Variants in DCAF12 observed in about 807,000 individuals in gnomAD.
The protein encoded by DCAF12 is DDB1- and CUL4-associated factor 12.
A neutral mutation model predicts 52.8 loss-of-function variants in DCAF12; 28 were observed. The observed-to-expected ratio is 0.53, with a 90% CI of 0.39 to 0.73. DCAF12 has a LOEUF of 0.73. Ranked by LOEUF, DCAF12 falls within the 30% of genes least tolerant of loss-of-function variation. The pLI, the probability that DCAF12 is intolerant of heterozygous loss-of-function variation, is 0.00. For missense variants in DCAF12, 425 were observed against 552.2 expected, an observed-to-expected ratio of 0.77 and a Z score of 2.31; for synonymous variants, 196 against 215.5, an observed-to-expected ratio of 0.91 and a Z score of 0.79.
At position 34,122,913 on chromosome 9, in the gene DCAF12, G is replaced by C. The variant is rs561859499; in HGVS notation, c.333+2110C>G. Reference sequence around the variant, plus strand: ...CGCCTAGCAAACTTTTCTTCACTTAGCTTTTCTGTCTGGCTCCGCAGCCAA... The same window carrying C: ...CGCCTAGCAAACTTTTCTTCACTTACCTTTTCTGTCTGGCTCCGCAGCCAA... On this transcript the variant is annotated intron_variant, in intron 2 of 8. Transcript: ENST00000361264. Among the ~76,000 whole-genome samples, 34 of 152,278 alleles carry C rather than the reference G, an allele frequency of 2.2e-4. 1 individual carries two copies. The highest frequency in any genetic ancestry group is 6.2e-4 in the South Asian group (3 of 4,824).
At position 34,096,361 on chromosome 9, in the gene DCAF12, G is replaced by A. The variant is rs539676442; in HGVS notation, c.861+355C>T. ...TGACTGCACTCCAACTTGGGTGACAGAGTGAGACCCTGTATTTATTGTCTT... is the reference window on the plus strand; with the variant it reads ...TGACTGCACTCCAACTTGGGTGACAAAGTGAGACCCTGTATTTATTGTCTT... On this transcript the variant is annotated intron_variant, in intron 6 of 8. Transcript: ENST00000361264. 16 of 216,228 alleles carry A rather than the reference G, an allele frequency of 7.4e-5. 1 individual carries two copies. In the South Asian group the frequency reaches 1.2e-3, roughly 16 times the overall value. The allele number at this position is 216,228 out of a possible 1,614,324, so 13.4% of individuals were successfully genotyped here.
In DCAF12 at chr9:34,088,528, C is replaced by T; in HGVS notation, c.1204-20G>A. The T allele has an allele frequency of 3.7e-6, 6 of 1,613,858 alleles. No homozygotes were observed. The highest frequency in any genetic ancestry group is 5.1e-6 in the Non-Finnish European group (6 of 1,179,862). On this transcript the variant is annotated intron_variant, in intron 8 of 8. Transcript: ENST00000361264. Reference sequence around the variant, plus strand: ...ATGATTCTACGGGAAGAGAAAGAGACTACAATTAGCACCTCTAGCCATGGG... The same window carrying T: ...ATGATTCTACGGGAAGAGAAAGAGATTACAATTAGCACCTCTAGCCATGGG...
At chr9:34,097,908 A>G (rs1303013023) in intron 5 of DCAF12, among the ~76,000 whole-genome samples, 2 of 150,538 alleles carry the variant, frequency 1.3e-5, no homozygotes, top group African/African-American at 2.4e-5. Context: ...ACTCCTGCCT[A>G]GGTGACAGGA....
chr9:34,108,811 A>G (rs1828948689), intron 2 of DCAF12, among the ~76,000 whole-genome samples: 1 of 135,656 alleles, frequency 7.4e-6, no homozygotes, highest in South Asian at 2.2e-4. Context: ...ATAAATAAAT[A>G]AATATATATA....
chr9:34,093,563 A>G lies in DCAF12; in HGVS notation c.862-115T>C, dbSNP rs1038855138. 3.5e-6 allele frequency: 4 copies of G among 1,138,254 alleles called. No homozygotes were observed. In the African/African-American group the frequency reaches 6.2e-5, roughly 18 times the overall value. The allele number at this position is 1,138,254 out of a possible 1,614,324, so 70.5% of individuals were successfully genotyped here. A position where few individuals can be genotyped will look rare whatever the true frequency, so the allele number is the denominator to read the frequency against. ...CTCATATAAAAGCCACATAAAATCA[A>G]GCCCTGATTACAGAAATAACACTCT... On this transcript the variant is annotated intron_variant, in intron 6 of 8. Transcript: ENST00000361264.
chr9:34,092,908 C>T (rs1006099289), intron 7 of DCAF12, among the ~76,000 whole-genome samples: 27 of 151,998 alleles, frequency 1.8e-4, no homozygotes, highest in African/African-American at 5.8e-4. Context: ...TGCAATGGTG[C>T]GATCTCAGCT....
chr9:34,104,952 C>T (rs917903398), intron 4 of DCAF12, among the ~76,000 whole-genome samples: 21 of 151,164 alleles, frequency 1.4e-4, no homozygotes, highest in African/African-American at 4.4e-4. Context: ...ACAAAGAATT[C>T]TATATATGCA....
intron 6 of DCAF12, among the ~76,000 whole-genome samples, chr9:34,094,678 C>T (rs2131427112): frequency 6.6e-6 from 1 of 151,834 alleles, no homozygotes; most frequent in Middle Eastern, 3.4e-3. Flanking sequence ...CTACAAGCGC[C>T]CACCACCACG....
At chr9:34,120,387 G>A (rs1408084854) in intron 2 of DCAF12, among the ~76,000 whole-genome samples, 2 of 151,546 alleles carry the variant, frequency 1.3e-5, no homozygotes, top group Non-Finnish European at 2.9e-5. Flanking sequence ...AAACAACAAA[G>A]TGGCTGGGCA....
chr9:34,125,381 AC>A, intron 1 of DCAF12, 104 bp from the exon 2 acceptor site: 1 of 1,267,208 alleles, frequency 7.9e-7, no homozygotes, highest in South Asian at 1.4e-5. Flanking sequence ...TGCAGAATTT[AC>A]AAACAACACA....
At position 34,098,532 on chromosome 9, in the gene DCAF12, G is replaced by A. The variant is rs748571739; in HGVS notation, c.602-15C>T. The A allele has an allele frequency of 1.1e-5, 17 of 1,607,582 alleles. No homozygotes were observed. The highest frequency in any genetic ancestry group is 1.4e-5 in the Non-Finnish European group (17 of 1,176,454). ...ATCACGTGAGCCTGCAGGGCCAGGA[G>A]AACACAGATGTCAGATGTACCCACC... is the stretch of plus-strand genomic sequence containing the variant. On this transcript the variant is annotated splice_polypyrimidine_tract_variant and intron_variant, in intron 4 of 8. Coordinates refer to ENST00000361264, the MANE Select transcript of DCAF12 (RefSeq NM_015397.4).
At chr9:34,103,532 A>G (rs1056320670) in intron 4 of DCAF12, among the ~76,000 whole-genome samples, 1 of 152,172 alleles carries the variant, frequency 6.6e-6, no homozygotes, top group African/African-American at 2.4e-5. Context: ...ATAGGGTTAT[A>G]TTATATCCAT....
chr9:34,115,479 G>A (rs1281262871), intron 2 of DCAF12, among the ~76,000 whole-genome samples: 8 of 127,526 alleles, frequency 6.3e-5, no homozygotes, highest in South Asian at 5.3e-4. Context: ...TGCACCTGTA[G>A]TCCCAGCTAC....
intron 2 of DCAF12, among the ~76,000 whole-genome samples, chr9:34,119,526 G>A (rs1350972080): frequency 2.0e-5 from 3 of 152,060 alleles, no homozygotes. Context: ...ATACCATCCA[G>A]ATTTATCACT....
chr9:34,096,489 A>C (rs892251032), intron 6 of DCAF12, among the ~76,000 whole-genome samples: 1 of 152,212 alleles, frequency 6.6e-6, no homozygotes, highest in Non-Finnish European at 1.5e-5. Context: ...TAATCCCCGC[A>C]GCTACTCAGG....
chr9:34,088,288 A>T lies in DCAF12; in HGVS notation c.*62T>A, dbSNP rs975635713. 1 of 1,487,266 alleles carries T rather than the reference A, an allele frequency of 6.7e-7. No individual in the cohort carries two copies. The highest frequency in any genetic ancestry group is 1.4e-5 in the African/African-American group (1 of 70,186). 92.1% of individuals were successfully genotyped at this position (1,487,266 alleles called of 1,614,324 possible). A position where few individuals can be genotyped will look rare whatever the true frequency, so the allele number is the denominator to read the frequency against. ...TCACACAATTAGGAAAAAAAAAATC[A>T]AAAGAAACAAGGAAACTGAGAATGG... On this transcript the variant is annotated 3_prime_UTR_variant, in exon 9 of 9. Coordinates refer to ENST00000361264, the MANE Select transcript of DCAF12 (RefSeq NM_015397.4).
chr9:34,115,454 C>A (rs1173323242), intron 2 of DCAF12, among the ~76,000 whole-genome samples: 1 of 70,158 alleles, frequency 1.4e-5, no homozygotes. Flanking sequence ...AGCCGGGCGG[C>A]TGGGCATGGT....
Position 34,086,905 on chromosome 9 carries a change from T to TC in DCAF12, c.*1444dup, listed in dbSNP as rs777422806. ...GCAGGAATAAATATGACTTTTCCTT[T>TC]CCCCAAAATGGGATGTTGACAGAAA... On this transcript the variant is annotated 3_prime_UTR_variant, in exon 9 of 9. Coordinates refer to ENST00000361264, the MANE Select transcript of DCAF12 (RefSeq NM_015397.4). 6.6e-6 allele frequency: 1 copy of TC among 152,178 alleles called. No homozygotes were observed. The highest frequency in any genetic ancestry group is 1.5e-5 in the Non-Finnish European group (1 of 68,038). The allele number at this position is 152,178 out of a possible 1,614,324, so 9.4% of individuals were successfully genotyped here. A position where few individuals can be genotyped will look rare whatever the true frequency, so the allele number is the denominator to read the frequency against.
intron 2 of DCAF12, among the ~76,000 whole-genome samples, chr9:34,124,390 G>A (rs1002940699): frequency 2.0e-5 from 3 of 152,102 alleles, no homozygotes; most frequent in African/African-American, 7.2e-5. Context: ...CTATAATTGG[G>A]TTGGTTACAA....
Sources: allele counts gnomAD v4.1 joint callset (sites outside exome capture counted in the v4.1 genomes callset), GRCh38; gene constraint gnomAD v4.1.1; transcripts MANE v1.5; gene names NCBI Gene and HGNC (gene_info 2026-07-23, HGNC 2026-07-21).